NRP1: variants seen among roughly 807,000 people sequenced by gnomAD.
NRP1 encodes neuropilin 1.
In NRP1, 35 loss-of-function variants were observed where a neutral mutation model predicts 106.7. The ratio of observed to expected loss-of-function variants is 0.33; its 90% confidence interval spans 0.25 to 0.43. The LOEUF (loss-of-function observed/expected upper bound fraction) is 0.43. Among genes scored for constraint, NRP1 ranks in the 20% least tolerant of loss-of-function variants. The pLI, the probability that NRP1 is intolerant of heterozygous loss-of-function variation, is 1.00. For synonymous variants in NRP1, 437 were observed against 417.9 expected, an observed-to-expected ratio of 1.05 and a Z score of -0.56; for missense variants, 1,024 against 1,170.4, an observed-to-expected ratio of 0.87 and a Z score of 1.83.
chr10:33,184,342 C>T (rs912316558), intron 15 of NRP1, among the ~76,000 whole-genome samples: 3 of 152,166 alleles, frequency 2.0e-5, no homozygotes, highest in Admixed American at 6.6e-5. Flanking sequence ...CTGGAGCATC[C>T]GCATGCTGCT....
Position 33,263,512 on chromosome 10 carries a change from G to C in NRP1, c.658+134C>G, listed in dbSNP as rs1037908595. On this transcript the variant is annotated intron_variant, in intron 4 of 16. Coordinates refer to ENST00000374867, the MANE Select transcript of NRP1 (RefSeq NM_003873.7). ...ATATTTCATCACTGCTCTGAATATA[G>C]AGAGTTTTGCTTTGTTTTCCAGTGT... 8.0e-6 allele frequency: 5 copies of C among 626,166 alleles called. No homozygotes were observed. In the Admixed American group the frequency reaches 8.8e-5, roughly 11 times the overall value. The allele number at this position is 626,166 out of a possible 1,614,324, so 38.8% of individuals were successfully genotyped here. A position where few individuals can be genotyped will look rare whatever the true frequency, so the allele number is the denominator to read the frequency against.
intron 2 of NRP1, among the ~76,000 whole-genome samples, chr10:33,293,397 G>A (rs1291744153): frequency 6.6e-6 from 1 of 152,108 alleles, no homozygotes; most frequent in Non-Finnish European, 1.5e-5. Context: ...TAATGGGGAT[G>A]GTAACTCTCT....
chr10:33,254,292 A>C, intron 5 of NRP1, 98 bp from the exon 6 acceptor site: 1 of 1,091,136 alleles, frequency 9.2e-7, no homozygotes. Flanking sequence ...CTTTCATTCA[A>C]AATTCTTTAA....
In NRP1 at chr10:33,284,298, T is replaced by A. The variant is rs543778665; in HGVS notation, c.249-13442A>T. ...AAGCAGCTTAATGTCTTTGAATACA[T>A]TTAATGTAGACAGCTGCAGTTGACT... On this transcript the variant is annotated intron_variant, in intron 2 of 16. Coordinates refer to ENST00000374867, the MANE Select transcript of NRP1 (RefSeq NM_003873.7). Among the ~76,000 whole-genome samples, 3 of 152,340 alleles carry A rather than the reference T, an allele frequency of 2.0e-5. No homozygotes were observed. In the South Asian group the frequency reaches 6.2e-4, roughly 32 times the overall value.
intron 8 of NRP1, among the ~76,000 whole-genome samples, chr10:33,216,271 A>G (rs1313326066): frequency 5.3e-5 from 8 of 150,716 alleles, no homozygotes; most frequent in East Asian, 2.0e-4. Context: ...CCGAGTAGCT[A>G]GGACTCCAGG....
chr10:33,191,362 C>T (rs575415834), intron 13 of NRP1, among the ~76,000 whole-genome samples: 1 of 152,136 alleles, frequency 6.6e-6, no homozygotes, highest in Admixed American at 6.5e-5. Context: ...GAGGTTTCTA[C>T]CTGCTCAAAG....
intron 2 of NRP1, among the ~76,000 whole-genome samples, chr10:33,282,220 G>A (rs575690134): frequency 9.9e-5 from 15 of 151,816 alleles, no homozygotes; most frequent in Non-Finnish European, 1.6e-4. Flanking sequence ...TGCTATTAGC[G>A]TGCAGCACTG....
At chr10:33,216,023 C>T (rs1365042733) in intron 8 of NRP1, among the ~76,000 whole-genome samples, 2 of 152,184 alleles carry the variant, frequency 1.3e-5, no homozygotes, top group Non-Finnish European at 2.9e-5. Flanking sequence ...AAATCCTGAC[C>T]TGTTTTCAAA....
chr10:33,263,086 A>T (rs937620465), intron 4 of NRP1, among the ~76,000 whole-genome samples: 2 of 152,190 alleles, frequency 1.3e-5, no homozygotes, highest in Admixed American at 6.5e-5. Context: ...TAAGATGAAA[A>T]ATCTGTAGAG....
intron 6 of NRP1, among the ~76,000 whole-genome samples, chr10:33,249,084 G>GGTT (rs1320176756): frequency 2.8e-5 from 2 of 72,200 alleles, no homozygotes; most frequent in African/African-American, 1.2e-4. Context: ...TATGTCTCTT[G>GGTT]TTTTTTTTTT....
chr10:33,310,034 G>T (rs1181224506), intron 2 of NRP1, among the ~76,000 whole-genome samples: 1 of 149,346 alleles, frequency 6.7e-6, no homozygotes, highest in Non-Finnish European at 1.5e-5. Flanking sequence ...TGCAACCTCC[G>T]CCTCCCGGGT....
At chr10:33,230,550 A>G (rs1217426242) in intron 6 of NRP1, among the ~76,000 whole-genome samples, 1 of 151,788 alleles carries the variant, frequency 6.6e-6, no homozygotes, top group Non-Finnish European at 1.5e-5. Flanking sequence ...AATTTGCATA[A>G]ACACATCTTA....
chr10:33,237,487 G>GCACA (rs111698441), intron 6 of NRP1, among the ~76,000 whole-genome samples: 2,769 of 144,810 alleles, frequency 0.019, 66 homozygotes, highest in East Asian at 0.13. Context: ...ACATGCGCGC[G>GCACA]CACACACACA....
chr10:33,313,317 A>G (rs1160950796), intron 2 of NRP1, among the ~76,000 whole-genome samples: 2 of 152,200 alleles, frequency 1.3e-5, no homozygotes, highest in African/African-American at 4.8e-5. Context: ...GGGCTGGAAC[A>G]GCAGCTTGGA....
intron 2 of NRP1, among the ~76,000 whole-genome samples, chr10:33,320,021 C>T (rs1478168311): frequency 6.6e-6 from 1 of 151,550 alleles, no homozygotes; most frequent in Admixed American, 6.6e-5. Context: ...TGCGTAAAAG[C>T]CTGCTCCGGG....
chr10:33,233,124 A>C (rs1840287505), intron 6 of NRP1, among the ~76,000 whole-genome samples: 1 of 152,180 alleles, frequency 6.6e-6, no homozygotes, highest in Non-Finnish European at 1.5e-5. Flanking sequence ...AGATCTTGTT[A>C]GCAGATACAG....
At chr10:33,280,864 C>T (rs183181153) in intron 2 of NRP1, among the ~76,000 whole-genome samples, 230 of 151,942 alleles carry the variant, frequency 1.5e-3, no homozygotes, top group African/African-American at 5.2e-3. Flanking sequence ...CGCCTGTAGT[C>T]CTAGCTACTT....
At chr10:33,199,340 GTGTGCGCCACCATGCCTGGC>G (rs1201277793) in intron 11 of NRP1, among the ~76,000 whole-genome samples, 3 of 132,324 alleles carry the variant, frequency 2.3e-5, no homozygotes, top group Non-Finnish European at 4.6e-5. Context: ...AGGACTACAG[GTGTGCGCCACCATGCCTGGC>G]TGTTTTCTAT....
chr10:33,241,363 A>T (rs1841002055), intron 6 of NRP1, among the ~76,000 whole-genome samples: 2 of 152,294 alleles, frequency 1.3e-5, no homozygotes, highest in South Asian at 4.2e-4. Flanking sequence ...ATCTATCGAT[A>T]CTAATCTCAT....
Sources: gnomAD v4.1 joint callset for allele counts (sites outside exome capture counted in the v4.1 genomes callset) on GRCh38, gnomAD v4.1.1 for gene constraint, MANE v1.5 for transcripts, NCBI Gene and HGNC (gene_info 2026-07-23, HGNC 2026-07-21) for gene names.